The following RBM33 variants were observed in gnomAD, a reference collection of about 807,000 sequenced individuals.
RBM33 encodes RNA-binding protein 33.
RBM33 carries 28 observed loss-of-function variants against 132.6 expected under a neutral mutation model. That is an observed-to-expected ratio of 0.21 (90% CI 0.16 to 0.29). RBM33 has a LOEUF of 0.29. RBM33 is among the 10% of genes least tolerant of loss of function. The pLI is 1.00. For missense variants in RBM33, 1,291 were observed against 1,518.5 expected (o/e 0.85, Z 2.49); for synonymous variants, 634 against 593.0 (o/e 1.07, Z -1.01).
chr7:155,657,730 C>A (rs1798531224), intron 1 of RBM33, among the ~76,000 whole-genome samples: 4 of 152,180 alleles, frequency 2.6e-5, no homozygotes, highest in Admixed American at 2.6e-4. Flanking sequence ...GTACTAATTT[C>A]TTCGCTGTGT....
intron 11 of RBM33, 75 bp downstream of exon 11, chr7:155,738,478 T>A (rs1801204919): frequency 7.3e-7 from 1 of 1,363,044 alleles, no homozygotes; most frequent in African/African-American, 1.5e-5. Context: ...AGTTTCAGAT[T>A]TTTATTTGAG....
chr7:155,738,676 A>G (rs1801212994), intron 11 of RBM33: 1 of 410,090 alleles, frequency 2.4e-6, no homozygotes. Context: ...TAAAATTAGG[A>G]CATGTTTTGA....
intron 9 of RBM33, among the ~76,000 whole-genome samples, chr7:155,721,203 T>TA (rs1800614824): frequency 6.6e-6 from 1 of 152,156 alleles, no homozygotes; most frequent in South Asian, 2.1e-4. Context: ...ATTTGTGTGA[T>TA]ATCTGGTGAA....
intron 5 of RBM33, among the ~76,000 whole-genome samples, chr7:155,689,954 A>T (rs1272589334): frequency 6.6e-6 from 1 of 152,192 alleles, no homozygotes; most frequent in Non-Finnish European, 1.5e-5. Flanking sequence ...CTGCTGATTT[A>T]GGGTGGAGAC....
chr7:155,738,399 T>G lies in RBM33; in HGVS notation c.1733T>G (p.Leu578Arg). The G allele has an allele frequency of 6.2e-7, 1 of 1,609,868 alleles. No homozygotes were observed. Residue 578 changes from leucine to arginine, a missense_variant, in exon 11 of 18, where the codon CTG (leucine) becomes CGG (arginine). Leu to Arg is a moderately radical substitution (Grantham distance 102). Coordinates refer to ENST00000401878, the MANE Select transcript of RBM33 (RefSeq NM_053043.3). ...CTGCCCACACACACACAGCCCAACCTGCAGGTAATGCATCCTGAGTGAACC... is the reference window on the plus strand; with the variant it reads ...CTGCCCACACACACACAGCCCAACCGGCAGGTAATGCATCCTGAGTGAACC... ...PFLPTHTQPN[L>R]QGPLHPPLPP...
At chr7:155,673,940 GTTTTTTTTTTTTTTTTTTTTTT>G (rs71186053) in intron 3 of RBM33, among the ~76,000 whole-genome samples, 3 of 54,214 alleles carry the variant, frequency 5.5e-5, no homozygotes, top group African/African-American at 2.5e-4. Context: ...TTTAGGCTTA[GTTTTTTTTTTTTTTTTTTTTTT>G]TTTTTTTTTT....
chr7:155,704,085 G>A (rs1200759645), intron 6 of RBM33, among the ~76,000 whole-genome samples: 1 of 152,182 alleles, frequency 6.6e-6, no homozygotes, highest in Non-Finnish European at 1.5e-5. Context: ...TCCAATCTAG[G>A]AGGGAGTTTT....
At position 155,772,505 on chromosome 7, in the gene RBM33, A is replaced by G. The variant is rs569889908; in HGVS notation, c.3376-2054A>G. 5.3e-5 allele frequency among the ~76,000 whole-genome samples: 8 copies of G among 152,344 alleles called. No individual in the cohort carries two copies. In the East Asian group the frequency reaches 1.5e-3, roughly 29 times the overall value. ...AAAACAGGTCTCTGTCAAGAAATACAGGCGGAATTTCAAAGTCCAGAAAGC... is the reference window on the plus strand; with the variant it reads ...AAAACAGGTCTCTGTCAAGAAATACGGGCGGAATTTCAAAGTCCAGAAAGC... On this transcript the variant is annotated intron_variant, in intron 16 of 17. Coordinates refer to ENST00000401878, the MANE Select transcript of RBM33 (RefSeq NM_053043.3).
chr7:155,734,105 G>A (rs1801038184), intron 9 of RBM33, among the ~76,000 whole-genome samples: 1 of 152,198 alleles, frequency 6.6e-6, no homozygotes, highest in South Asian at 2.1e-4. Context: ...TTACCAGTTT[G>A]TCTTTCAACT....
chr7:155,697,369 A>G (rs181166813), intron 5 of RBM33, among the ~76,000 whole-genome samples: 2 of 150,950 alleles, frequency 1.3e-5, no homozygotes, highest in Admixed American at 1.3e-4. Flanking sequence ...TTTCTGTATT[A>G]ATGAAGGACA....
chr7:155,738,860 C>T (rs1486032413), intron 11 of RBM33: 1 of 163,990 alleles, frequency 6.1e-6, no homozygotes, highest in African/African-American at 2.4e-5. Context: ...CGACCGGCTT[C>T]TGCTTCATGG....
chr7:155,670,633 G>A (rs758814335), intron 2 of RBM33, among the ~76,000 whole-genome samples: 5 of 152,148 alleles, frequency 3.3e-5, no homozygotes, highest in Non-Finnish European at 7.3e-5. Context: ...AAATGGCAAC[G>A]GTGTGTCTAC....
At chr7:155,748,950 G>C (rs139140315) in intron 14 of RBM33, among the ~76,000 whole-genome samples, 1 of 152,088 alleles carries the variant, frequency 6.6e-6, no homozygotes, top group East Asian at 1.9e-4. Context: ...GCGTTTTGCC[G>C]TTGGCTGCTC....
chr7:155,719,514 C>T (rs1285398704), intron 9 of RBM33, among the ~76,000 whole-genome samples: 1 of 152,040 alleles, frequency 6.6e-6, no homozygotes, highest in South Asian at 2.1e-4. Flanking sequence ...TTCCTGATTT[C>T]TTTATGTTTA....
chr7:155,748,085 G>T (rs1358562534), intron 14 of RBM33, among the ~76,000 whole-genome samples: 10 of 152,226 alleles, frequency 6.6e-5, no homozygotes, highest in African/African-American at 2.4e-4. Flanking sequence ...GGGCTGAGCA[G>T]ACCTTGGCTG....
chr7:155,680,943 C>A (rs1001794618), intron 5 of RBM33, 35 bp downstream of exon 5: 2 of 1,560,158 alleles, frequency 1.3e-6, no homozygotes, highest in Non-Finnish European at 1.8e-6. Context: ...CCAAAGATAA[C>A]CTGGCTTCCC....
At position 155,773,912 on chromosome 7, in the gene RBM33, TA is replaced by T. The variant is rs1802521751; in HGVS notation, c.3376-644del. Among the ~76,000 whole-genome samples, 5 of 152,370 alleles carry T rather than the reference TA, an allele frequency of 3.3e-5. No homozygotes were observed. In the South Asian group the frequency reaches 1.0e-3, roughly 32 times the overall value. On this transcript the variant is annotated intron_variant, in intron 16 of 17. Coordinates refer to ENST00000401878, the MANE Select transcript of RBM33 (RefSeq NM_053043.3). The stretch of plus-strand genomic sequence containing the variant: ...CATCATTTCTTTTGGCCAATCTTCA[TA>T]AATTCATTTCTTTTTCACTGGCATT...
intron 5 of RBM33, among the ~76,000 whole-genome samples, chr7:155,690,419 C>T (rs1305593030): frequency 6.6e-6 from 1 of 151,744 alleles, no homozygotes; most frequent in Non-Finnish European, 1.5e-5. Flanking sequence ...TTGACTCTAC[C>T]CCGTTCGCCA....
At chr7:155,692,641 G>C (rs6459881) in intron 5 of RBM33, among the ~76,000 whole-genome samples, 112,374 of 152,048 alleles carry the variant, frequency 0.74, 41,783 homozygotes, top group South Asian at 0.8. Context: ...AGATAACATT[G>C]TCCTAGTCTC....
Sources: gnomAD v4.1 joint callset for allele counts (sites outside exome capture counted in the v4.1 genomes callset) on GRCh38, gnomAD v4.1.1 for gene constraint, MANE v1.5 for transcripts, NCBI Gene and HGNC (gene_info 2026-07-23, HGNC 2026-07-21) for gene names.